The following TBC1D4 variants were observed in gnomAD, a reference collection of about 807,000 sequenced individuals.
TBC1D4 encodes TBC1 domain family member 4.
Under a neutral mutation model 142.5 loss-of-function variants are expected in TBC1D4, and 121 were observed. The ratio of observed to expected loss-of-function variants is 0.85; its 90% CI spans 0.73 to 0.99. The LOEUF is 0.99. TBC1D4 is among the 50% of genes least tolerant of loss of function. TBC1D4 has a pLI of 0.00. For synonymous variants in TBC1D4, 630 were observed against 628.2 expected (o/e 1.00, Z -0.04); for missense variants, 1,475 against 1,606.6 (o/e 0.92, Z 1.40).
chr13:75,407,815 T>C (rs1448802129), intron 1 of TBC1D4, among the ~76,000 whole-genome samples: 5 of 150,750 alleles, frequency 3.3e-5, no homozygotes, highest in Non-Finnish European at 5.9e-5. Context: ...AGGACTCACA[T>C]CTAAGACAGG....
intron 1 of TBC1D4, among the ~76,000 whole-genome samples, chr13:75,415,674 G>A (rs948322732): frequency 3.9e-5 from 6 of 151,978 alleles, no homozygotes; most frequent in African/African-American, 1.5e-4. Flanking sequence ...TAATTATTCT[G>A]TGAGGAAGGC....
At chr13:75,466,909 ATC>A (rs1888194925) in intron 1 of TBC1D4, among the ~76,000 whole-genome samples, 1 of 150,028 alleles carries the variant, frequency 6.7e-6, no homozygotes, top group African/African-American at 2.5e-5. Context: ...AAAAAAAAAC[ATC>A]TGAAAAATGT....
At chr13:75,290,046 T>C (rs1355172941) in intron 19 of TBC1D4, among the ~76,000 whole-genome samples, 1 of 152,188 alleles carries the variant, frequency 6.6e-6, no homozygotes, top group Admixed American at 6.6e-5. Context: ...CAATGGATTA[T>C]TATACAACCA....
Position 75,320,053 on chromosome 13 carries a change from A to G in TBC1D4, c.2199-16T>C. 1 of 1,613,358 alleles carries G rather than the reference A, an allele frequency of 6.2e-7. No homozygotes were observed. The highest frequency in any genetic ancestry group is 8.5e-7 in the Non-Finnish European group (1 of 1,179,586). ...AGTGTCTTGTCTGGTACAACAGGAAAACAAGGAATGGAATTAGCACACACA... is the reference window on the plus strand; with the variant it reads ...AGTGTCTTGTCTGGTACAACAGGAAGACAAGGAATGGAATTAGCACACACA... On this transcript the variant is annotated splice_polypyrimidine_tract_variant and intron_variant, in intron 11 of 20. Coordinates refer to ENST00000377636, the MANE Select transcript of TBC1D4 (RefSeq NM_014832.5).
intron 1 of TBC1D4, among the ~76,000 whole-genome samples, chr13:75,397,306 A>G (rs1884845534): frequency 6.6e-6 from 1 of 152,244 alleles, no homozygotes; most frequent in African/African-American, 2.4e-5. Flanking sequence ...CAACTTACAA[A>G]GCATAAATTA....
chr13:75,424,513 T>A (rs888057790), intron 1 of TBC1D4, among the ~76,000 whole-genome samples: 2 of 151,802 alleles, frequency 1.3e-5, no homozygotes, highest in Admixed American at 1.3e-4. Flanking sequence ...AAAAAAAAAA[T>A]CTTAAGATTC....
chr13:75,398,687 T>C (rs1884927200), intron 1 of TBC1D4, among the ~76,000 whole-genome samples: 1 of 152,180 alleles, frequency 6.6e-6, no homozygotes, highest in Admixed American at 6.5e-5. Context: ...AAAGTAAAGC[T>C]ACTTCCATCT....
At chr13:75,474,703 C>T (rs1001155525) in intron 1 of TBC1D4, among the ~76,000 whole-genome samples, 3 of 149,814 alleles carry the variant, frequency 2.0e-5, no homozygotes, top group Non-Finnish European at 4.4e-5. Flanking sequence ...GTGGTACGAT[C>T]CAGGCTCACT....
intron 1 of TBC1D4, among the ~76,000 whole-genome samples, chr13:75,436,950 C>A (rs1175707651): frequency 6.6e-6 from 1 of 152,108 alleles, no homozygotes; most frequent in Non-Finnish European, 1.5e-5. Context: ...GTATTCCTCC[C>A]AAAACACATA....
intron 2 of TBC1D4, among the ~76,000 whole-genome samples, chr13:75,361,246 TA>T (rs1195430138): frequency 6.6e-6 from 1 of 152,220 alleles, no homozygotes; most frequent in Non-Finnish European, 1.5e-5. Flanking sequence ...TGTGACAGCA[TA>T]AATTGGTGTG....
rs1879635029 is a variant in TBC1D4 at position 75,330,195 on chromosome 13, C to CT, written c.1732-2370dup. Among the ~76,000 whole-genome samples, 8 of 152,150 alleles carry CT rather than the reference C, an allele frequency of 5.3e-5. No homozygotes were observed. The South Asian group carries it at 1.7e-3, about 32-fold the overall frequency. ...AAGTTTGCTCCATTTTCTGAAAGGC[C>CT]TTTTTTCAACTCTAGTTTCCTAGCC... On this transcript the variant is annotated intron_variant, in intron 8 of 20. Coordinates refer to ENST00000377636, the MANE Select transcript of TBC1D4 (RefSeq NM_014832.5).
At chr13:75,384,362 G>A (rs1458716407) in intron 1 of TBC1D4, among the ~76,000 whole-genome samples, 2 of 152,200 alleles carry the variant, frequency 1.3e-5, no homozygotes, top group East Asian at 1.9e-4. Context: ...CTTGAACCCG[G>A]GAGGCAGAGG....
intron 1 of TBC1D4, among the ~76,000 whole-genome samples, chr13:75,470,004 A>C (rs1888333893): frequency 6.6e-6 from 1 of 152,218 alleles, no homozygotes; most frequent in Non-Finnish European, 1.5e-5. Flanking sequence ...AAAATTTTTA[A>C]GTAGGTTTCA....
intron 1 of TBC1D4, among the ~76,000 whole-genome samples, chr13:75,400,460 CT>C (rs56282911): frequency 0.88 from 114,465 of 130,604 alleles, 50,173 homozygotes; most frequent in East Asian, 0.98. Context: ...TAAATTCATG[CT>C]TTTTTTTTTT....
Position 75,286,846 on chromosome 13 carries a change from C to G in TBC1D4, c.3843G>C (p.Leu1281=). Residue 1281 remains leucine, a synonymous_variant, in exon 21 of 21, where the codon CTG becomes CTC. Coordinates refer to ENST00000377636, the MANE Select transcript of TBC1D4 (RefSeq NM_014832.5). ...ADALVNCDLL[L]RDLNCNPNNK... is the part of the protein sequence containing the mutation. ...TGTTAGGGTTGCAGTTTAGGTCTCTCAGCAACAGGTCACAATTGACTAGAG... is the reference window on the plus strand; with the variant it reads ...TGTTAGGGTTGCAGTTTAGGTCTCTGAGCAACAGGTCACAATTGACTAGAG... The G allele has an allele frequency of 6.2e-7, 1 of 1,613,958 alleles. No homozygotes were observed. Among genetic ancestry groups the G allele is most frequent in the Non-Finnish European group, 8.5e-7 (1 of 1,179,974 alleles).
intron 1 of TBC1D4, among the ~76,000 whole-genome samples, chr13:75,404,486 T>C (rs578223809): frequency 6.6e-6 from 1 of 152,196 alleles, no homozygotes; most frequent in African/African-American, 2.4e-5. Flanking sequence ...TTAATGACTG[T>C]GACAGTTTTG....
intron 12 of TBC1D4, among the ~76,000 whole-genome samples, chr13:75,316,799 T>C (rs1004397929): frequency 6.6e-6 from 1 of 152,188 alleles, no homozygotes; most frequent in Non-Finnish European, 1.5e-5. Context: ...TCTTTTGGTT[T>C]GTTTGTTTGT....
chr13:75,361,115 A>T (rs1882466716), intron 2 of TBC1D4, among the ~76,000 whole-genome samples: 1 of 152,348 alleles, frequency 6.6e-6, no homozygotes, highest in African/African-American at 2.4e-5. Context: ...CCTGTACAAC[A>T]TTCAAAAATG....
intron 14 of TBC1D4, among the ~76,000 whole-genome samples, chr13:75,307,763 A>G (rs1046412923): frequency 1.3e-5 from 2 of 152,370 alleles, no homozygotes; most frequent in Non-Finnish European, 2.9e-5. Context: ...TAATCTAAAG[A>G]TAAATCACAG....
Sources: allele counts gnomAD v4.1 joint callset (sites outside exome capture counted in the v4.1 genomes callset), GRCh38; gene constraint gnomAD v4.1.1; transcripts MANE v1.5; gene names NCBI Gene and HGNC (gene_info 2026-07-23, HGNC 2026-07-21).